REEP3: variants seen among roughly 807,000 people sequenced by gnomAD.
REEP3 encodes receptor expression-enhancing protein 3.
In REEP3, 20 loss-of-function variants were observed where a neutral mutation model predicts 41.3. The observed-to-expected ratio is 0.48, with a 90% CI of 0.34 to 0.70. The LOEUF (loss-of-function observed/expected upper bound fraction) is 0.70. Ranked by LOEUF, REEP3 falls within the 30% of genes least tolerant of loss-of-function variation. The pLI, the probability that REEP3 is intolerant of heterozygous loss-of-function variation, is 0.01. For missense variants in REEP3, 271 were observed against 308.8 expected (o/e 0.88, Z 0.92); for synonymous variants, 104 against 101.8 (o/e 1.02, Z -0.13).
chr10:63,533,950 T>G (rs1263000703), intron 1 of REEP3, among the ~76,000 whole-genome samples: 1 of 151,954 alleles, frequency 6.6e-6, no homozygotes, highest in Non-Finnish European at 1.5e-5. Context: ...TCAGGTGATC[T>G]GCCCACCTCG....
intron 1 of REEP3, among the ~76,000 whole-genome samples, chr10:63,524,244 G>A (rs147352086): frequency 6.6e-6 from 1 of 152,192 alleles, no homozygotes; most frequent in Non-Finnish European, 1.5e-5. Context: ...CACACCAGGA[G>A]GTAGAATTTA....
intron 1 of REEP3, among the ~76,000 whole-genome samples, chr10:63,552,794 G>A (rs1402890326): frequency 6.6e-6 from 1 of 152,218 alleles, no homozygotes; most frequent in African/African-American, 2.4e-5. Context: ...GGGCTTGCTA[G>A]TGCCAAGCAG....
At chr10:63,567,824 ACT>A (rs1195623254) in intron 2 of REEP3, among the ~76,000 whole-genome samples, 4 of 151,952 alleles carry the variant, frequency 2.6e-5, no homozygotes, top group East Asian at 1.9e-4. Context: ...GAAGGGACAG[ACT>A]CTGAAACTTT....
intron 5 of REEP3, among the ~76,000 whole-genome samples, chr10:63,609,795 C>CA (rs1956263415): frequency 6.6e-6 from 1 of 151,798 alleles, no homozygotes; most frequent in African/African-American, 2.4e-5. Context: ...ATAAATAAAA[C>CA]AAAAAATTAA....
chr10:63,530,201 G>A (rs1413646816), intron 1 of REEP3, among the ~76,000 whole-genome samples: 1 of 152,100 alleles, frequency 6.6e-6, no homozygotes, highest in Non-Finnish European at 1.5e-5. Context: ...AAATCCTTAT[G>A]GAAGTTTGAA....
chr10:63,610,267 AC>A lies in REEP3; in HGVS notation c.499del (p.Gln167LysfsTer28). ...CTATCCAAGGTGATGAGCCTGTGGG[AC>A]AAAGACCATACCAACCTCTACCAGA... The part of the protein sequence containing the change: ...TTIQGDEPVG[Q>X]RPYQPLPEAK... On this transcript the variant is annotated frameshift_variant, in exon 6 of 8. Coordinates refer to ENST00000373758, the MANE Select transcript of REEP3 (RefSeq NM_001001330.3). LOFTEE classifies it high-confidence loss of function. 6.3e-7 allele frequency: 1 copy of A among 1,592,664 alleles called. No individual in the cohort carries two copies.
At chr10:63,543,560 A>G (rs1285123849) in intron 1 of REEP3, among the ~76,000 whole-genome samples, 2 of 151,690 alleles carry the variant, frequency 1.3e-5, no homozygotes, top group Non-Finnish European at 2.9e-5. Flanking sequence ...CAGTTTGTCC[A>G]TTTCTTTTGT....
intron 2 of REEP3, among the ~76,000 whole-genome samples, chr10:63,590,968 C>G (rs1398757430): frequency 6.6e-6 from 1 of 152,032 alleles, no homozygotes; most frequent in Non-Finnish European, 1.5e-5. Flanking sequence ...AACAGCAATT[C>G]TTTATATTAT....
At chr10:63,590,923 A>G (rs1956056235) in intron 2 of REEP3, among the ~76,000 whole-genome samples, 1 of 152,234 alleles carries the variant, frequency 6.6e-6, no homozygotes, top group African/African-American at 2.4e-5. Context: ...TATTAAAGTC[A>G]CTTGATAAAT....
chr10:63,582,568 C>T (rs1401494982), intron 2 of REEP3, among the ~76,000 whole-genome samples: 1 of 152,140 alleles, frequency 6.6e-6, no homozygotes, highest in East Asian at 1.9e-4. Context: ...GATTGATTAA[C>T]AACTTGGAAT....
chr10:63,522,779 C>T (rs1422627200), intron 1 of REEP3, among the ~76,000 whole-genome samples: 1 of 152,128 alleles, frequency 6.6e-6, no homozygotes, highest in Admixed American at 6.6e-5. Flanking sequence ...GATTAAATCG[C>T]AAAGTTTCTA....
chr10:63,538,504 C>T (rs1360366084), intron 1 of REEP3, among the ~76,000 whole-genome samples: 2 of 152,092 alleles, frequency 1.3e-5, no homozygotes, highest in Admixed American at 6.5e-5. Context: ...GAGGCCAAGG[C>T]GGGCGGATCA....
intron 1 of REEP3, among the ~76,000 whole-genome samples, chr10:63,538,487 A>G (rs1410573201): frequency 6.6e-6 from 1 of 152,174 alleles, no homozygotes; most frequent in Non-Finnish European, 1.5e-5. Context: ...TAATCCTGGC[A>G]CTTTGGGAGG....
intron 1 of REEP3, among the ~76,000 whole-genome samples, chr10:63,534,063 T>A (rs1025799041): frequency 1.3e-5 from 2 of 151,988 alleles, no homozygotes; most frequent in Non-Finnish European, 2.9e-5. Flanking sequence ...AATAAAGTTA[T>A]ATGAGAAAAA....
intron 1 of REEP3, among the ~76,000 whole-genome samples, chr10:63,556,272 T>A (rs1323807719): frequency 1.3e-5 from 2 of 150,078 alleles, no homozygotes; most frequent in Non-Finnish European, 3.0e-5. Flanking sequence ...CGGGCCACCA[T>A]GCCCGACTAA....
intron 2 of REEP3, among the ~76,000 whole-genome samples, chr10:63,581,867 CTT>C (rs34810180): frequency 2.2e-4 from 31 of 141,090 alleles, no homozygotes; most frequent in African/African-American, 2.4e-4. Context: ...GGTTCAGCTC[CTT>C]TTTTTTTTTT....
chr10:63,553,845 G>A (rs1255800730), intron 1 of REEP3, among the ~76,000 whole-genome samples: 1 of 152,118 alleles, frequency 6.6e-6, no homozygotes, highest in African/African-American at 2.4e-5. Flanking sequence ...ACGCCTATTT[G>A]TAATCCCAGC....
chr10:63,578,899 T>C (rs1179626941), intron 2 of REEP3, among the ~76,000 whole-genome samples: 1 of 152,234 alleles, frequency 6.6e-6, no homozygotes, highest in Non-Finnish European at 1.5e-5. Context: ...AATTAGGTTA[T>C]TATTTCTTTA....
At chr10:63,580,201 G>A (rs1955938993) in intron 2 of REEP3, among the ~76,000 whole-genome samples, 1 of 152,010 alleles carries the variant, frequency 6.6e-6, no homozygotes, top group Non-Finnish European at 1.5e-5. Context: ...CAGTGGTGTG[G>A]TCAAACTCAC....
Sources: gnomAD v4.1 joint callset for allele counts (sites outside exome capture counted in the v4.1 genomes callset) on GRCh38, gnomAD v4.1.1 for gene constraint, MANE v1.5 for transcripts, NCBI Gene and HGNC (gene_info 2026-07-23, HGNC 2026-07-21) for gene names.